SOSTDC1: variants seen among roughly 807,000 people sequenced by gnomAD.
SOSTDC1 encodes sclerostin domain containing 1.
A neutral mutation model predicts 15.1 loss-of-function variants in SOSTDC1; 7 were observed. The observed-to-expected ratio is 0.46, with a 90% confidence interval of 0.26 to 0.87. The LOEUF is 0.87. SOSTDC1 is among the 40% of genes least tolerant of loss of function. The pLI, the probability that SOSTDC1 is intolerant of heterozygous loss-of-function variation, is 0.15. For missense variants in SOSTDC1, 242 were observed against 259.2 expected (o/e 0.93, Z 0.46); for synonymous variants, 94 against 93.2 (o/e 1.01, Z -0.05).
At chr7:16,464,389 T>C in intron 1 of SOSTDC1, 3 of 1,549,750 alleles carry the variant, frequency 1.9e-6, no homozygotes, top group Non-Finnish European at 2.6e-6. Flanking sequence ...TTTCTGTTCC[T>C]GTGTATATAC....
Position 16,461,569 on chromosome 7 carries a change from TAA to T in SOSTDC1, c.*977_*978del, listed in dbSNP as rs1468775604. 6.6e-6 allele frequency: 1 copy of T among 152,250 alleles called. No homozygotes were observed. Among genetic ancestry groups the T allele is most frequent in the Admixed American group, 6.5e-5 (1 of 15,272 alleles). 9.4% of individuals were successfully genotyped at this position (152,250 alleles called of 1,614,324 possible). On this transcript the variant is annotated 3_prime_UTR_variant, in exon 2 of 2. Coordinates refer to ENST00000307068, the MANE Select transcript of SOSTDC1 (RefSeq NM_015464.3). The stretch of plus-strand genomic sequence containing the variant: ...AACTTTTAGCAGTGTTTATTTTTGT[TAA>T]AAGAAACCAATTGAATTGAAGGTCA...
In SOSTDC1 at chr7:16,462,930, G is replaced by C. The variant is rs1781236129; in HGVS notation, c.239C>G (p.Ser80Cys). The C allele has an allele frequency of 1.3e-6, 2 of 1,589,466 alleles. No homozygotes were observed. Among genetic ancestry groups the C allele is most frequent in the Non-Finnish European group, 1.7e-6 (2 of 1,163,038 alleles). The change falls in exon 2 of 2, where the codon TCC (serine) becomes TGC (cysteine). Residue 80 changes from serine (S) to cysteine (C), a missense_variant. By Grantham distance (112) the Ser-to-Cys change is moderately radical. Coordinates refer to ENST00000307068, the MANE Select transcript of SOSTDC1 (RefSeq NM_015464.3). ...CTGGCCATCAGAGATGTATTTGGTGGAACGCAGTTCCCGGCAACCCACTTG... is the reference window on the plus strand; with the variant it reads ...CTGGCCATCAGAGATGTATTTGGTGCAACGCAGTTCCCGGCAACCCACTTG... ...RVQVGCRELR[S>C]TKYISDGQCT...
At chr7:16,465,346 A>T in intron 1 of SOSTDC1, 118 bp downstream of exon 1, 1 of 876,334 alleles carries the variant, frequency 1.1e-6, no homozygotes, top group Non-Finnish European at 1.8e-6. Flanking sequence ...ATTACTCCCA[A>T]ATTGTTTCAC....
Position 16,465,389 on chromosome 7 carries a change from A to T in SOSTDC1, c.205+75T>A, listed in dbSNP as rs1781286598. 8 of 1,312,200 alleles carry T rather than the reference A, an allele frequency of 6.1e-6. No individual in the cohort carries two copies. In the Admixed American group the frequency reaches 1.5e-4, roughly 24 times the overall value. The allele number at this position is 1,312,200 out of a possible 1,614,324, so 81.3% of individuals were successfully genotyped here. On this transcript the variant is annotated intron_variant, in intron 1 of 1. Transcript: ENST00000307068. ...ATACGGTTCAGGTTAGTTACCAATAAAACAATTCTACAGGAATGTGAGCTA... is the reference window on the plus strand; with the variant it reads ...ATACGGTTCAGGTTAGTTACCAATATAACAATTCTACAGGAATGTGAGCTA...
At chr7:16,464,191 T>C (rs1781257511) in intron 1 of SOSTDC1, 9 of 717,450 alleles carry the variant, frequency 1.3e-5, no homozygotes, top group Non-Finnish European at 2.0e-5. Flanking sequence ...ACGTGATAGT[T>C]GTGGAAAAAC....
Position 16,462,517 on chromosome 7 carries a change from A to G in SOSTDC1, c.*31T>C, listed in dbSNP as rs1781226203. 1.2e-6 allele frequency: 2 copies of G among 1,601,588 alleles called. No homozygotes were observed. Among genetic ancestry groups the G allele is most frequent in the East Asian group, 4.5e-5 (2 of 44,660 alleles). The stretch of plus-strand genomic sequence containing the variant: ...AATCAAATCTGTAAAGCAGATGGTT[A>G]CTAGTAAGTCTAGTTATGGGAGTCT... On this transcript the variant is annotated 3_prime_UTR_variant, in exon 2 of 2. Coordinates refer to ENST00000307068, the MANE Select transcript of SOSTDC1 (RefSeq NM_015464.3).
Position 16,462,915 on chromosome 7 carries a change from G to A in SOSTDC1, c.254C>T (p.Ser85Phe). 6.2e-7 allele frequency: 1 copy of A among 1,607,226 alleles called. No individual in the cohort carries two copies. The highest frequency in any genetic ancestry group is 1.1e-5 in the South Asian group (1 of 90,710). ...GCTGATGCTGGTGCACTGGCCATCA[G>A]AGATGTATTTGGTGGAACGCAGTTC... ...CRELRSTKYI[S>F]DGQCTSISPL... The change falls in exon 2 of 2, where the codon TCT becomes TTT. Residue 85 changes from serine (S) to phenylalanine (F), a missense_variant. Coordinates refer to ENST00000307068, the MANE Select transcript of SOSTDC1 (RefSeq NM_015464.3).
Position 16,465,459 on chromosome 7 carries a change from C to T in SOSTDC1, c.205+5G>A. ...AAAAAAACTGTACAAGTAAAACACA[C>T]TTACTGTTCCGATCCAGTCCAGTGT... On this transcript the variant is annotated splice_donor_5th_base_variant and intron_variant, in intron 1 of 1. Coordinates refer to ENST00000307068, the MANE Select transcript of SOSTDC1 (RefSeq NM_015464.3). The T allele has an allele frequency of 6.2e-7, 1 of 1,611,582 alleles. No homozygotes were observed. The highest frequency in any genetic ancestry group is 8.5e-7 in the Non-Finnish European group (1 of 1,177,832).
chr7:16,463,927 T>A (rs1373387735), intron 1 of SOSTDC1, among the ~76,000 whole-genome samples: 2 of 152,196 alleles, frequency 1.3e-5, no homozygotes, highest in Non-Finnish European at 2.9e-5. Context: ...TTCCTTACCC[T>A]TGCTTTGTTA....
rs1056056308 is a variant in SOSTDC1, at chr7:16,465,569, A to G, written c.100T>C (p.Ser34Pro). The G allele has an allele frequency of 3.1e-6, 5 of 1,614,032 alleles. No homozygotes were observed. Among genetic ancestry groups the G allele is most frequent in the Non-Finnish European group, 4.2e-6 (5 of 1,180,002 alleles). Residue 34 changes from serine (S) to proline (P), a missense_variant, in exon 1 of 2, where the codon TCA becomes CCA. Physicochemically the swap from Ser to Pro is moderately conservative, Grantham distance 74. Coordinates refer to ENST00000307068, the MANE Select transcript of SOSTDC1 (RefSeq NM_015464.3). Reference sequence around the variant, plus strand: ...GCTGGAACAGGTTTAACCACATGTGAATAAAGGATTTCTGTGGCATCATTT... The same window carrying G: ...GCTGGAACAGGTTTAACCACATGTGGATAAAGGATTTCTGTGGCATCATTT... ...FKNDATEILY[S>P]HVVKPVPAHP...
At chr7:16,464,590 C>A (rs935637017) in intron 1 of SOSTDC1, among the ~76,000 whole-genome samples, 3 of 152,048 alleles carry the variant, frequency 2.0e-5, no homozygotes, top group African/African-American at 7.2e-5. Flanking sequence ...AACTACTTTT[C>A]GTAGTTGAAT....
At position 16,464,475 on chromosome 7, in the gene SOSTDC1, A is replaced by C. The variant is rs572778798; in HGVS notation, c.205+989T>G. ...ATTGCTCAGTAATCTAATAATAATC[A>C]GATATGTCCTGTGTACTTAAAAGCA... On this transcript the variant is annotated intron_variant, in intron 1 of 1. Transcript: ENST00000307068. 1.3e-4 allele frequency: 123 copies of C among 919,120 alleles called. 1 individual carries two copies. Among genetic ancestry groups the C allele is most frequent in the Middle Eastern group, 1.3e-3 (6 of 4,750 alleles). The allele number at this position is 919,120 out of a possible 1,614,324, so 56.9% of individuals were successfully genotyped here. A position where few individuals can be genotyped will look rare whatever the true frequency, so the allele number is the denominator to read the frequency against.
chr7:16,465,292 A>G (rs937538645), intron 1 of SOSTDC1, among the ~76,000 whole-genome samples, 172 bp downstream of exon 1: 2 of 152,212 alleles, frequency 1.3e-5, no homozygotes, highest in Admixed American at 6.5e-5. Flanking sequence ...GGTTAACTTT[A>G]AAATCACTAC....
At chr7:16,465,406 T>C in intron 1 of SOSTDC1, 58 bp downstream of exon 1, 1 of 1,393,552 alleles carries the variant, frequency 7.2e-7, no homozygotes, top group Admixed American at 1.7e-5. Flanking sequence ...TCTACAGGAA[T>C]GTGAGCTAAT....
At chr7:16,464,323 C>T (rs894576629) in intron 1 of SOSTDC1, 33 of 1,549,708 alleles carry the variant, frequency 2.1e-5, no homozygotes, top group Non-Finnish European at 2.4e-5. Context: ...CACCTTCCTG[C>T]AGCTGCCTCA....
At position 16,462,065 on chromosome 7, in the gene SOSTDC1, C is replaced by A. The variant is rs1356257402; in HGVS notation, c.*483G>T. On this transcript the variant is annotated 3_prime_UTR_variant, in exon 2 of 2. Transcript: ENST00000307068. ...CTTTCATTCTCTTTCAAAGGAAGAT[C>A]ACTCATGGCTGCTAAACTGTTCCCA... 2 of 154,800 alleles carry A rather than the reference C, an allele frequency of 1.3e-5. No individual in the cohort carries two copies. Among genetic ancestry groups the A allele is most frequent in the Non-Finnish European group, 2.9e-5 (2 of 69,480 alleles). 9.6% of individuals were successfully genotyped at this position (154,800 alleles called of 1,614,324 possible).
rs1781223843 is a variant in SOSTDC1 at position 16,462,368 on chromosome 7, G to T, written c.*180C>A. Reference sequence around the variant, plus strand: ...GATATACCTACATCTTGAAAAACTTGAAAAGGAAAAACTATTCCCAAAGAA... The same window carrying T: ...GATATACCTACATCTTGAAAAACTTTAAAAGGAAAAACTATTCCCAAAGAA... On this transcript the variant is annotated 3_prime_UTR_variant, in exon 2 of 2. Transcript: ENST00000307068. 1.6e-6 allele frequency: 1 copy of T among 634,856 alleles called. No individual in the cohort carries two copies. Among genetic ancestry groups the T allele is most frequent in the Non-Finnish European group, 2.7e-6 (1 of 370,346 alleles). 39.3% of individuals were successfully genotyped at this position (634,856 alleles called of 1,614,324 possible). A position where few individuals can be genotyped will look rare whatever the true frequency, so the allele number is the denominator to read the frequency against.
At chr7:16,465,058 A>G (rs1272294270) in intron 1 of SOSTDC1, among the ~76,000 whole-genome samples, 1 of 152,178 alleles carries the variant, frequency 6.6e-6, no homozygotes, top group Non-Finnish European at 1.5e-5. Context: ...ATGGTAACTA[A>G]TAATATATAT....
rs766581268 is a variant in SOSTDC1, at chr7:16,465,483, G to A, written c.186C>T (p.Asn62=). ...QARNGGRHFS[N]TGLDRNTRVQ... ...ACTTACTGTTCCGATCCAGTCCAGT[G>A]TTACTGAAATGCCTGCCTCCATTTC... The change falls in exon 1 of 2, where the codon AAC becomes AAT. Residue 62 remains asparagine, a synonymous_variant. Transcript: ENST00000307068. The A allele has an allele frequency of 2.5e-6, 4 of 1,613,966 alleles. No homozygotes were observed. The highest frequency in any genetic ancestry group is 3.4e-6 in the Non-Finnish European group (4 of 1,179,882).
Sources: gnomAD v4.1 joint callset for allele counts (sites outside exome capture counted in the v4.1 genomes callset) on GRCh38, gnomAD v4.1.1 for gene constraint, MANE v1.5 for transcripts, NCBI Gene and HGNC (gene_info 2026-07-23, HGNC 2026-07-21) for gene names.